Variants in GNB4 observed in about 807,000 individuals in gnomAD.
GNB4 encodes guanine nucleotide-binding protein subunit beta-4.
A neutral mutation model predicts 45.2 loss-of-function variants in GNB4; 28 were observed. The observed-to-expected ratio is 0.62, with a 90% confidence interval of 0.46 to 0.85. The LOEUF (loss-of-function observed/expected upper bound fraction) is 0.85. Ranked by LOEUF, GNB4 falls within the 40% of genes least tolerant of loss-of-function variation. The pLI is 0.00. For missense variants in GNB4, 321 were observed against 425.4 expected (o/e 0.75, Z 2.16); for synonymous variants, 132 against 143.7 (o/e 0.92, Z 0.58).
the GNB4 span, among the ~76,000 whole-genome samples, chr3:179,479,919 T>C: frequency 2.6e-5 from 4 of 152,212 alleles, no homozygotes; most frequent in African/African-American, 9.6e-5. Flanking sequence ...TTCCCAAAAG[T>C]TCATGTTTTG....
chr3:179,414,848 A>G (rs1222703187), intron 6 of GNB4, 37 bp downstream of exon 6: 1 of 1,504,334 alleles, frequency 6.6e-7, no homozygotes, highest in East Asian at 2.3e-5. Context: ...CCACACAAGG[A>G]ATCGTGTGGT....
At chr3:179,494,636 G>A in the GNB4 span, among the ~76,000 whole-genome samples, 6 of 151,930 alleles carry the variant, frequency 3.9e-5, no homozygotes, top group Admixed American at 1.3e-4. Context: ...GGGGCCAGGC[G>A]CAGTGGCTCA....
intron 8 of GNB4, 43 bp downstream of exon 8, chr3:179,413,369 T>G: frequency 6.7e-7 from 1 of 1,499,104 alleles, no homozygotes; most frequent in East Asian, 2.3e-5. Context: ...GCTCAACACT[T>G]TAAATGCATA....
intron 1 of GNB4, among the ~76,000 whole-genome samples, chr3:179,449,452 C>T (rs1317674250): frequency 6.6e-6 from 1 of 152,180 alleles, no homozygotes; most frequent in Non-Finnish European, 1.5e-5. Context: ...TACACACATG[C>T]TAATGAGTAA....
chr3:179,426,330 T>C (rs1317277777), intron 1 of GNB4, 88 bp from the exon 2 acceptor site: 4 of 619,300 alleles, frequency 6.5e-6, no homozygotes, highest in Non-Finnish European at 1.1e-5. Context: ...AACTTCTTTT[T>C]GGACCTACTG....
chr3:179,419,551 CATGAG>C (rs761791472), intron 3 of GNB4, 46 bp from the exon 4 acceptor site: 3 of 1,150,768 alleles, frequency 2.6e-6, no homozygotes, highest in East Asian at 2.3e-5. Context: ...AATCATAGTT[CATGAG>C]ATAACTTGAA....
intron 1 of GNB4, among the ~76,000 whole-genome samples, chr3:179,449,153 A>G (rs1715808276): frequency 6.6e-6 from 1 of 152,238 alleles, no homozygotes; most frequent in South Asian, 2.1e-4. Context: ...AATTGACCGC[A>G]ATCCTGTTTG....
intron 1 of GNB4, among the ~76,000 whole-genome samples, chr3:179,444,298 T>C (rs1037083773): frequency 2.6e-5 from 4 of 152,158 alleles, no homozygotes; most frequent in African/African-American, 7.2e-5. Flanking sequence ...CTCCTGTTCA[T>C]AAATTTTAAT....
At chr3:179,415,072 C>T in intron 5 of GNB4, 25 bp from the exon 6 acceptor site, 1 of 1,515,572 alleles carries the variant, frequency 6.6e-7, no homozygotes, top group Non-Finnish European at 9.0e-7. Flanking sequence ...CCACACATCA[C>T]TCAGATTACA....
At chr3:179,458,247 T>C in the GNB4 span, among the ~76,000 whole-genome samples, 1 of 152,170 alleles carries the variant, frequency 6.6e-6, no homozygotes, top group Non-Finnish European at 1.5e-5. Context: ...GGGGAGTTGC[T>C]CTACCACTTC....
intron 8 of GNB4, among the ~76,000 whole-genome samples, chr3:179,410,024 T>G (rs1439229667): frequency 6.6e-6 from 1 of 152,056 alleles, no homozygotes; most frequent in Non-Finnish European, 1.5e-5. Context: ...TCTCACGAGA[T>G]CTGATGGTTT....
At chr3:179,426,666 C>G (rs1715155756) in intron 1 of GNB4, among the ~76,000 whole-genome samples, 1 of 152,138 alleles carries the variant, frequency 6.6e-6, no homozygotes, top group Non-Finnish European at 1.5e-5. Flanking sequence ...TCCTTACTTA[C>G]AATTGTTTAA....
chr3:179,514,948 T>C, the GNB4 span, among the ~76,000 whole-genome samples: 2 of 152,364 alleles, frequency 1.3e-5, no homozygotes, highest in East Asian at 3.9e-4. Flanking sequence ...CATCTTAAAA[T>C]GATGGAATTA....
At chr3:179,473,306 T>C in the GNB4 span, among the ~76,000 whole-genome samples, 1 of 152,194 alleles carries the variant, frequency 6.6e-6, no homozygotes, top group African/African-American at 2.4e-5. Context: ...TTTAAACTTT[T>C]GATTTTGGAA....
the GNB4 span, among the ~76,000 whole-genome samples, chr3:179,496,209 G>A: frequency 1.3e-5 from 2 of 152,020 alleles, no homozygotes; most frequent in African/African-American, 4.8e-5. Flanking sequence ...AAAGAGTAGA[G>A]TCTTTATATG....
chr3:179,427,275 CATGTATTTACTTACTTGTG>C (rs1715174799), intron 1 of GNB4, among the ~76,000 whole-genome samples: 1 of 152,042 alleles, frequency 6.6e-6, no homozygotes, highest in South Asian at 2.1e-4. Context: ...ACACCATCAG[CATGTATTTACTTACTTGTG>C]ATCTCTTTCC....
At chr3:179,403,807 A>AAAAAT (rs1238633920) in intron 9 of GNB4, among the ~76,000 whole-genome samples, 15 of 148,116 alleles carry the variant, frequency 1.0e-4, no homozygotes, top group South Asian at 4.2e-4. Context: ...CAAAAAAATA[A>AAAAAT]AATAAAATAA....
the GNB4 span, among the ~76,000 whole-genome samples, chr3:179,493,850 G>C: frequency 6.6e-6 from 1 of 152,198 alleles, no homozygotes; most frequent in African/African-American, 2.4e-5. Context: ...CACAGTAACA[G>C]TCTGATCTAT....
the GNB4 span, among the ~76,000 whole-genome samples, chr3:179,527,189 C>A: frequency 8.6e-5 from 13 of 151,980 alleles, no homozygotes; most frequent in Non-Finnish European, 2.9e-5. Context: ...AGCAGGATGC[C>A]GGGAAGGAGG....
Sources: allele counts gnomAD v4.1 joint callset (sites outside exome capture counted in the v4.1 genomes callset), GRCh38; gene constraint gnomAD v4.1.1; transcripts MANE v1.5; gene names NCBI Gene and HGNC (gene_info 2026-07-23, HGNC 2026-07-21).